The following JAM2 variants were observed in gnomAD, a reference collection of about 807,000 sequenced individuals.
JAM2 encodes junctional adhesion molecule 2, also known as junctional adhesion molecule B.
A neutral mutation model predicts 42.0 loss-of-function variants in JAM2; 17 were observed. That is an observed-to-expected ratio of 0.40 (90% confidence interval 0.28 to 0.61). The LOEUF is 0.61. Among genes scored for constraint, JAM2 ranks in the 20% least tolerant of loss-of-function variants. JAM2 has a pLI of 0.37. For missense variants in JAM2, 319 were observed against 358.3 expected (o/e 0.89, Z 0.89); for synonymous variants, 118 against 128.6 (o/e 0.92, Z 0.56).
chr21:25,643,870 T>C (rs918142169), intron 1 of JAM2: 2 of 152,164 alleles, frequency 1.3e-5, no homozygotes, highest in African/African-American at 4.8e-5. Flanking sequence ...CCACCCATGG[T>C]TTCCATTGCA....
intron 1 of JAM2, 38 bp from the exon 2 acceptor site, chr21:25,683,845 G>A (rs771245901): frequency 5.1e-5 from 74 of 1,448,930 alleles, no homozygotes; most frequent in Non-Finnish European, 6.8e-5. Context: ...ATGAACTTTT[G>A]TATAATTTTA....
At chr21:25,640,503 G>A (rs1242146600) in intron 1 of JAM2, among the ~76,000 whole-genome samples, 1 of 152,224 alleles carries the variant, frequency 6.6e-6, no homozygotes, top group African/African-American at 2.4e-5. Flanking sequence ...TGTCCTCAGG[G>A]GACATCCAAC....
At chr21:25,641,501 G>A (rs767632446) in intron 1 of JAM2, among the ~76,000 whole-genome samples, 28 of 152,196 alleles carry the variant, frequency 1.8e-4, no homozygotes, top group Middle Eastern at 3.4e-3. Flanking sequence ...TTCCTATAGG[G>A]GATGTATTTG....
intron 2 of JAM2, among the ~76,000 whole-genome samples, chr21:25,688,350 G>A (rs1167200746): frequency 6.6e-6 from 1 of 152,096 alleles, no homozygotes; most frequent in Non-Finnish European, 1.5e-5. Flanking sequence ...TTATTTAAGT[G>A]TAAAATTACT....
chr21:25,715,985 C>CTTTTTTTT lies in JAM2; in HGVS notation c.*1325_*1332dup, dbSNP rs778687865. 12 of 117,244 alleles carry CTTTTTTTT rather than the reference C, an allele frequency of 1.0e-4. No homozygotes were observed. Among genetic ancestry groups the CTTTTTTTT allele is most frequent in the East Asian group, 2.4e-4 (1 of 4,082 alleles). 7.3% of individuals were successfully genotyped at this position (117,244 alleles called of 1,614,324 possible). A position where few individuals can be genotyped will look rare whatever the true frequency, so the allele number is the denominator to read the frequency against. On this transcript the variant is annotated 3_prime_UTR_variant, in exon 10 of 10. Transcript: ENST00000480456. ...ATGAACATGATGGTTAATCTTCTTT[C>CTTTTTTTT]TTTTTTTTTTTTTTTTTTTGAGACG...
At position 25,709,400 on chromosome 21, in the gene JAM2, C is replaced by T. The variant is rs569386554; in HGVS notation, c.806-34C>T. 46 of 1,189,258 alleles carry T rather than the reference C, an allele frequency of 3.9e-5. No homozygotes were observed. In the East Asian group the frequency reaches 9.9e-4, roughly 26 times the overall value. 73.7% of individuals were successfully genotyped at this position (1,189,258 alleles called of 1,614,324 possible). On this transcript the variant is annotated intron_variant, in intron 7 of 9. Coordinates refer to ENST00000480456, the MANE Select transcript of JAM2 (RefSeq NM_021219.4). Reference sequence around the variant, plus strand: ...GAATCTGTATCATACCATAATAACCCTTGCATTAATGATATATACTTTTTC... The same window carrying T: ...GAATCTGTATCATACCATAATAACCTTTGCATTAATGATATATACTTTTTC...
chr21:25,698,262 A>C (rs1271221623), intron 4 of JAM2, among the ~76,000 whole-genome samples: 1 of 152,178 alleles, frequency 6.6e-6, no homozygotes, highest in African/African-American at 2.4e-5. Context: ...TAGAGACTCA[A>C]CCTAATCTTC....
intron 2 of JAM2, among the ~76,000 whole-genome samples, chr21:25,684,424 A>G (rs551209068): frequency 6.6e-6 from 1 of 152,374 alleles, no homozygotes; most frequent in South Asian, 2.1e-4. Context: ...AAGATAAAAT[A>G]GTTCTGGAGA....
At chr21:25,684,492 A>G (rs2033705687) in intron 2 of JAM2, among the ~76,000 whole-genome samples, 1 of 152,196 alleles carries the variant, frequency 6.6e-6, no homozygotes, top group Admixed American at 6.5e-5. Context: ...AAAAATGGTC[A>G]AGATGGTGAA....
At chr21:25,676,514 C>A (rs1372782123) in intron 1 of JAM2, among the ~76,000 whole-genome samples, 1 of 151,898 alleles carries the variant, frequency 6.6e-6, no homozygotes, top group African/African-American at 2.4e-5. Context: ...GGAAAAGAAA[C>A]ACAAAAGGTT....
At chr21:25,699,438 C>A (rs1048445716) in intron 5 of JAM2, among the ~76,000 whole-genome samples, 10 of 151,918 alleles carry the variant, frequency 6.6e-5, no homozygotes, top group Non-Finnish European at 1.3e-4. Context: ...TTAAAAATTG[C>A]GCGGCCGGGC....
At chr21:25,697,885 G>C (rs1178038169) in intron 4 of JAM2, among the ~76,000 whole-genome samples, 1 of 150,946 alleles carries the variant, frequency 6.6e-6, no homozygotes, top group Non-Finnish European at 1.5e-5. Flanking sequence ...TCCAGCCTGG[G>C]TTATAGAGTG....
intron 1 of JAM2, among the ~76,000 whole-genome samples, chr21:25,661,455 A>G (rs2409146): frequency 0.13 from 19,286 of 152,116 alleles, 2,671 homozygotes; most frequent in African/African-American, 0.35. Context: ...AGAGCAAGAC[A>G]TTATCTCTAA....
intron 7 of JAM2, 40 bp downstream of exon 7, chr21:25,706,126 T>C (rs371588570): frequency 8.1e-7 from 1 of 1,234,112 alleles, no homozygotes; most frequent in South Asian, 1.2e-5. Flanking sequence ...TAACTTTCTA[T>C]GGCTATGGAG....
rs555461492 is a variant in JAM2 at position 25,669,559 on chromosome 21, T to A, written c.68-14324T>A. ...TGAGGGGAGAGGGATGAGAAGCAAG[T>A]ATTTATAGAGAATCTACTGTGTGCC... On this transcript the variant is annotated intron_variant, in intron 1 of 9. Transcript: ENST00000480456. Among the ~76,000 whole-genome samples the A allele has an allele frequency of 4.6e-5, 7 of 152,258 alleles. No homozygotes were observed. The East Asian group carries it at 1.3e-3, about 29-fold the overall frequency.
At chr21:25,646,709 C>G (rs1320102103) in intron 1 of JAM2, among the ~76,000 whole-genome samples, 1 of 152,142 alleles carries the variant, frequency 6.6e-6, no homozygotes, top group Non-Finnish European at 1.5e-5. Context: ...GAAATGCTCT[C>G]CAGTTTGAAT....
intron 1 of JAM2, among the ~76,000 whole-genome samples, chr21:25,656,366 T>G (rs2032940303): frequency 2.0e-5 from 3 of 152,180 alleles, no homozygotes; most frequent in Admixed American, 1.3e-4. Context: ...AAATTGGCCG[T>G]AGTTTCTAAA....
intron 4 of JAM2, among the ~76,000 whole-genome samples, chr21:25,695,040 C>T (rs1292066803): frequency 6.6e-6 from 1 of 150,494 alleles, no homozygotes; most frequent in Admixed American, 6.6e-5. Flanking sequence ...GGGGATTTGG[C>T]AGGGTCATAG....
At chr21:25,686,073 A>ATTCACAGT (rs1314276702) in intron 2 of JAM2, among the ~76,000 whole-genome samples, 5 of 152,370 alleles carry the variant, frequency 3.3e-5, no homozygotes, top group Middle Eastern at 3.4e-3. Context: ...CATTTGACAC[A>ATTCACAGT]TTCACAGTTT....
Sources: allele counts gnomAD v4.1 joint callset (sites outside exome capture counted in the v4.1 genomes callset), GRCh38; gene constraint gnomAD v4.1.1; transcripts MANE v1.5; gene names NCBI Gene and HGNC (gene_info 2026-07-23, HGNC 2026-07-21).